The following EPB41L1 variants were observed in gnomAD, a reference collection of about 807,000 sequenced individuals.
EPB41L1 encodes band 4.1-like protein 1.
In EPB41L1, 29 loss-of-function variants were observed where a neutral mutation model predicts 97.8. The observed-to-expected ratio is 0.30, with a 90% CI of 0.22 to 0.40. The LOEUF is 0.40. Ranked by LOEUF, EPB41L1 falls within the 10% of genes least tolerant of loss-of-function variation. The probability of loss-of-function intolerance (pLI) is 1.00; values close to 1 mark genes in which losing one functional copy is unlikely to be tolerated. For synonymous variants in EPB41L1, 383 were observed against 459.2 expected, an observed-to-expected ratio of 0.83 and a Z score of 2.12; for missense variants, 812 against 1,162.3, an observed-to-expected ratio of 0.70 and a Z score of 4.38.
chr20:36,173,965 G>C lies in EPB41L1; in HGVS notation c.177+11G>C, dbSNP rs367558996. The C allele has an allele frequency of 6.2e-7, 1 of 1,608,046 alleles. No homozygotes were observed. The highest frequency in any genetic ancestry group is 1.3e-5 in the African/African-American group (1 of 74,776). Reference sequence around the variant, plus strand: ...CGGCCTGCTGAACAGGTGTGTGCCCGAGAGCATGGGCGTACCTTTCCTGCC... The same window carrying C: ...CGGCCTGCTGAACAGGTGTGTGCCCCAGAGCATGGGCGTACCTTTCCTGCC... On this transcript the variant is annotated intron_variant, in intron 2 of 21. Coordinates refer to ENST00000338074, the MANE Select transcript of EPB41L1 (RefSeq NM_012156.2).
chr20:36,183,270 C>G (rs1247881284), intron 6 of EPB41L1, among the ~76,000 whole-genome samples: 3 of 152,234 alleles, frequency 2.0e-5, no homozygotes, highest in Non-Finnish European at 4.4e-5. Context: ...GCCAGCCCCT[C>G]TCTCCCATTG....
Position 36,162,751 on chromosome 20 carries a change from C to T in EPB41L1, c.-15+7855C>T, listed in dbSNP as rs926801059. On this transcript the variant is annotated intron_variant, in intron 1 of 21. Transcript: ENST00000338074. ...ACATCAGCCTGAGGCTCCCTAGTGG[C>T]CCGTGAAGCTTTTGGGCAAGAAGCC... 5.3e-5 allele frequency among the ~76,000 whole-genome samples: 8 copies of T among 152,236 alleles called. No individual in the cohort carries two copies. In the East Asian group the frequency reaches 1.3e-3, roughly 26 times the overall value.
intron 1 of EPB41L1, among the ~76,000 whole-genome samples, chr20:36,097,209 G>A (rs763850807): frequency 2.0e-5 from 3 of 152,196 alleles, no homozygotes; most frequent in South Asian, 2.1e-4. Context: ...CTTTTGGCAC[G>A]TGTCCATCTC....
chr20:36,175,479 T>C (rs2061188395), intron 2 of EPB41L1, 72 bp from the exon 3 acceptor site: 1 of 1,586,722 alleles, frequency 6.3e-7, no homozygotes, highest in Admixed American at 1.7e-5. Flanking sequence ...GCCTCTATAT[T>C]GCTTCTTACT....
Position 36,232,376 on chromosome 20 carries a change from C to T in EPB41L1, c.*3036C>T. 2.7e-6 allele frequency: 1 copy of T among 367,480 alleles called. No homozygotes were observed. Among genetic ancestry groups the T allele is most frequent in the Non-Finnish European group, 4.8e-6 (1 of 207,060 alleles). 22.8% of individuals were successfully genotyped at this position (367,480 alleles called of 1,614,324 possible). A position where few individuals can be genotyped will look rare whatever the true frequency, so the allele number is the denominator to read the frequency against. On this transcript the variant is annotated 3_prime_UTR_variant, in exon 22 of 22. Coordinates refer to ENST00000338074, the MANE Select transcript of EPB41L1 (RefSeq NM_012156.2). The stretch of plus-strand genomic sequence containing the variant: ...ACTCACCATGTGACATCAGGCTATC[C>T]CCATTCCCCCTCTTGGGCCTCAGTT...
At chr20:36,110,912 T>C (rs1022933958) in intron 1 of EPB41L1, 1 of 152,152 alleles carries the variant, frequency 6.6e-6, no homozygotes, top group African/African-American at 2.4e-5. Flanking sequence ...TACAACCTAG[T>C]GGTTTAGCTG....
In EPB41L1 at chr20:36,185,132, G is replaced by C. The variant is rs66823537; in HGVS notation, c.582G>C (p.Leu194=). The change falls in exon 7 of 22, where the codon CTG becomes CTC. Residue 194 remains leucine, a synonymous_variant. Transcript: ENST00000338074. ...TEDITRYYLC[L]QLRADIITGR... ...CTATCTCCAGATACTACCTGTGCCT[G>C]CAGCTGCGGGCAGACATCATCACGG... 10,645 of 1,612,404 alleles carry C rather than the reference G, an allele frequency of 6.6e-3. 175 individuals carry two copies. The highest frequency in any genetic ancestry group is 0.052 in the African/African-American group (3,920 of 74,990).
intron 1 of EPB41L1, chr20:36,155,322 T>C: frequency 2.6e-6 from 1 of 379,000 alleles, no homozygotes; most frequent in Non-Finnish European, 5.2e-6. Context: ...CTCCTCACTC[T>C]GGTTACGGAC....
At chr20:36,205,748 T>A in intron 14 of EPB41L1, 1 of 1,148,070 alleles carries the variant, frequency 8.7e-7, no homozygotes, top group Non-Finnish European at 1.1e-6. Context: ...AGTCAAACAT[T>A]TCAGTGGTAG....
chr20:36,172,823 C>A (rs376775855), intron 1 of EPB41L1, among the ~76,000 whole-genome samples: 1 of 152,162 alleles, frequency 6.6e-6, no homozygotes, highest in Admixed American at 6.5e-5. Flanking sequence ...TTGTCTTGAA[C>A]TGCCGAACTT....
chr20:36,188,617 CACACACACACACACACACACACACAG>C, intron 9 of EPB41L1, 118 bp downstream of exon 9: 9 of 645,016 alleles, frequency 1.4e-5, no homozygotes, highest in Non-Finnish European at 1.8e-5. Context: ...CACACACACA[CACACACACACACACACACACACACAG>C]AGAGAGAGAG....
At chr20:36,176,637 T>C (rs368376164) in intron 3 of EPB41L1, among the ~76,000 whole-genome samples, 8 of 150,636 alleles carry the variant, frequency 5.3e-5, no homozygotes, top group Middle Eastern at 3.4e-3. Flanking sequence ...TTTCTTTTTT[T>C]TTTTTTTTTG....
intron 1 of EPB41L1, among the ~76,000 whole-genome samples, chr20:36,158,121 G>C (rs1331353196): frequency 6.6e-6 from 1 of 152,190 alleles, no homozygotes; most frequent in African/African-American, 2.4e-5. Flanking sequence ...AGTTGTTCAA[G>C]GTCAAATAGC....
chr20:36,136,969 C>G (rs1404177912), intron 2 of EPB41L1, among the ~76,000 whole-genome samples: 1 of 152,136 alleles, frequency 6.6e-6, no homozygotes, highest in Non-Finnish European at 1.5e-5. Context: ...GCCCCAACCT[C>G]CCAGGCTCAA....
At chr20:36,185,025 T>C in intron 6 of EPB41L1, 92 bp from the exon 7 acceptor site, 11 of 1,270,286 alleles carry the variant, frequency 8.7e-6, no homozygotes, top group Non-Finnish European at 1.3e-5. Flanking sequence ...TCTGCTGAGC[T>C]ATGTTCTATT....
intron 2 of EPB41L1, among the ~76,000 whole-genome samples, chr20:36,140,229 ATG>A (rs2059586707): frequency 7.7e-6 from 1 of 130,096 alleles, no homozygotes; most frequent in African/African-American, 2.9e-5. Flanking sequence ...TACTTTTTGT[ATG>A]TTTTTTTTTT....
At chr20:36,200,485 G>A (rs2062438532) in intron 14 of EPB41L1, among the ~76,000 whole-genome samples, 1 of 152,222 alleles carries the variant, frequency 6.6e-6, no homozygotes, top group South Asian at 2.1e-4. Flanking sequence ...CCAAGTTTCA[G>A]TGTTTAAAGG....
chr20:36,197,634 C>T (rs774859460), intron 13 of EPB41L1: 39 of 985,302 alleles, frequency 4.0e-5, no homozygotes, highest in Admixed American at 1.2e-4. Flanking sequence ...TAGACATCTC[C>T]TCTTTTTCAT....
chr20:36,229,039 C>T (rs745464354), intron 21 of EPB41L1, among the ~76,000 whole-genome samples: 1 of 151,884 alleles, frequency 6.6e-6, no homozygotes, highest in African/African-American at 2.4e-5. Context: ...ACACAAGCTG[C>T]GTGGCCTTGG....
Sources: allele counts gnomAD v4.1 joint callset (sites outside exome capture counted in the v4.1 genomes callset), GRCh38; gene constraint gnomAD v4.1.1; transcripts MANE v1.5; gene names NCBI Gene and HGNC (gene_info 2026-07-23, HGNC 2026-07-21).